GDA: variants seen among roughly 807,000 people sequenced by gnomAD.
GDA encodes the protein cytoplasmic PSD-95 interactor.
A neutral mutation model predicts 59.6 loss-of-function variants in GDA; 18 were observed. That is an observed-to-expected ratio of 0.30 (90% CI 0.21 to 0.45). The LOEUF (loss-of-function observed/expected upper bound fraction) is 0.45. Among genes scored for constraint, GDA ranks in the 20% least tolerant of loss-of-function variants. GDA has a pLI of 1.00. For missense variants in GDA, 427 were observed against 552.3 expected, an observed-to-expected ratio of 0.77 and a Z score of 2.27; for synonymous variants, 201 against 201.1, an observed-to-expected ratio of 1.00 and a Z score of 0.00.
intron 1 of GDA, among the ~76,000 whole-genome samples, chr9:72,175,441 A>G (rs1044366820): frequency 6.6e-6 from 1 of 152,208 alleles, no homozygotes; most frequent in Admixed American, 6.5e-5. Flanking sequence ...GAAAGAGAAC[A>G]TGTTCAGGAA....
In GDA at chr9:72,250,416, T is replaced by C. The variant is rs978541351; in HGVS notation, c.*2074T>C. The C allele has an allele frequency of 1.7e-6, 2 of 1,191,662 alleles. No individual in the cohort carries two copies. The highest frequency in any genetic ancestry group is 1.0e-6 in the Non-Finnish European group (1 of 954,544). 73.8% of individuals were successfully genotyped at this position (1,191,662 alleles called of 1,614,324 possible). A position where few individuals can be genotyped will look rare whatever the true frequency, so the allele number is the denominator to read the frequency against. ...CAGTAGGAATGGCCGTATACAACCA[T>C]CCTGTTAAACATTTAAATTTAGCTC... is the stretch of plus-strand genomic sequence containing the variant. On this transcript the variant is annotated 3_prime_UTR_variant, in exon 14 of 14. Transcript: ENST00000358399.
chr9:72,181,163 C>T lies in GDA; in HGVS notation c.124-14337C>T, dbSNP rs1346626640. Reference sequence around the variant, plus strand: ...TGAAGTGATTCTTCTTTTTAATTAACTCATTGGGTAAAGAAAGTACAGTTC... The same window carrying T: ...TGAAGTGATTCTTCTTTTTAATTAATTCATTGGGTAAAGAAAGTACAGTTC... On this transcript the variant is annotated intron_variant, in intron 1 of 13. Coordinates refer to ENST00000358399, the MANE Select transcript of GDA (RefSeq NM_004293.5). 3.3e-5 allele frequency among the ~76,000 whole-genome samples: 5 copies of T among 152,064 alleles called. No homozygotes were observed. The South Asian group carries it at 6.2e-4, about 19-fold the overall frequency.
chr9:72,243,829 T>G (rs1839871686), intron 11 of GDA, among the ~76,000 whole-genome samples: 1 of 152,194 alleles, frequency 6.6e-6, no homozygotes, highest in East Asian at 1.9e-4. Context: ...CGATTCAATA[T>G]TTTCACATGA....
intron 1 of GDA, among the ~76,000 whole-genome samples, chr9:72,187,507 G>A (rs1439463243): frequency 2.0e-5 from 3 of 152,162 alleles, no homozygotes; most frequent in African/African-American, 7.2e-5. Flanking sequence ...AACCCATTTT[G>A]CTCTTTATAC....
At chr9:72,157,286 C>G (rs906401294) in intron 1 of GDA, among the ~76,000 whole-genome samples, 1 of 152,064 alleles carries the variant, frequency 6.6e-6, no homozygotes, top group Non-Finnish European at 1.5e-5. Context: ...GGTGATCCAC[C>G]CACCTTGGCC....
At chr9:72,144,183 A>C (rs532369313) in intron 1 of GDA, among the ~76,000 whole-genome samples, 1 of 152,154 alleles carries the variant, frequency 6.6e-6, no homozygotes, top group Non-Finnish European at 1.5e-5. Flanking sequence ...GATGGTGTCA[A>C]TGCACTCCAG....
chr9:72,245,091 C>T, intron 11 of GDA, 57 bp from the exon 12 acceptor site: 1 of 1,558,656 alleles, frequency 6.4e-7, no homozygotes, highest in Non-Finnish European at 8.8e-7. Flanking sequence ...CAAACTGAGA[C>T]ATTAGTGTGG....
chr9:72,146,163 G>A (rs1826625306), upstream of GDA, among the ~76,000 whole-genome samples: 2 of 151,892 alleles, frequency 1.3e-5, no homozygotes, highest in Admixed American at 1.3e-4. Flanking sequence ...GGAGTGGGTG[G>A]GACAATGAGG....
intron 1 of GDA, among the ~76,000 whole-genome samples, chr9:72,131,405 C>A (rs1011039283): frequency 6.6e-6 from 1 of 152,032 alleles, no homozygotes; most frequent in Non-Finnish European, 1.5e-5. Context: ...AGAGAAATAC[C>A]AAAGGCAGCG....
upstream of GDA, among the ~76,000 whole-genome samples, chr9:72,148,309 A>ATGTGTGTATGTGTGTGTGTGTGTG (rs1826770867): frequency 6.9e-6 from 1 of 145,850 alleles, no homozygotes; most frequent in Non-Finnish European, 1.5e-5. Context: ...TGGTGTGTGT[A>ATGTGTGTATGTGTGTGTGTGTGTG]TGTGTGTGTG....
intron 1 of GDA, among the ~76,000 whole-genome samples, chr9:72,190,071 G>A (rs1468627552): frequency 2.6e-5 from 4 of 152,082 alleles, no homozygotes; most frequent in South Asian, 4.2e-4. Flanking sequence ...GAGTGGGTTA[G>A]TTATTGTGAG....
intron 2 of GDA, among the ~76,000 whole-genome samples, chr9:72,202,272 G>A (rs1377637566): frequency 3.3e-5 from 5 of 152,122 alleles, no homozygotes; most frequent in African/African-American, 4.8e-5. Context: ...CAGAGTTCCC[G>A]TCCTTTCTTG....
intron 1 of GDA, among the ~76,000 whole-genome samples, chr9:72,150,730 C>T (rs1323365341): frequency 6.6e-6 from 1 of 152,192 alleles, no homozygotes; most frequent in African/African-American, 2.4e-5. Context: ...TGAATCGTGA[C>T]TCTTACATTT....
chr9:72,175,324 A>G (rs926369355), intron 1 of GDA, among the ~76,000 whole-genome samples: 2 of 152,062 alleles, frequency 1.3e-5, no homozygotes, highest in African/African-American at 4.8e-5. Context: ...GAACCACCAC[A>G]CCCAGCCCCA....
At chr9:72,196,833 A>G (rs1833255041) in intron 2 of GDA, among the ~76,000 whole-genome samples, 1 of 151,828 alleles carries the variant, frequency 6.6e-6, no homozygotes, top group Non-Finnish European at 1.5e-5. Flanking sequence ...ACGAATGAGA[A>G]CATGCGGTGT....
intron 1 of GDA, among the ~76,000 whole-genome samples, chr9:72,160,033 C>T (rs1482552383): frequency 6.6e-6 from 1 of 152,118 alleles, no homozygotes; most frequent in Admixed American, 6.5e-5. Flanking sequence ...GGCGCGGTGG[C>T]TCATGCCTAT....
intron 11 of GDA, among the ~76,000 whole-genome samples, chr9:72,243,114 A>G (rs990377916): frequency 6.6e-6 from 1 of 152,224 alleles, no homozygotes; most frequent in African/African-American, 2.4e-5. Context: ...CAGAACTGCC[A>G]TGGCCTTTAC....
chr9:72,139,000 A>G (rs1443919401), intron 1 of GDA, among the ~76,000 whole-genome samples: 2 of 152,186 alleles, frequency 1.3e-5, no homozygotes, highest in African/African-American at 4.8e-5. Flanking sequence ...CTTTCCATGC[A>G]TTTCGTGTTA....
At chr9:72,259,654 C>T (rs762458563), downstream of GDA, among the ~76,000 whole-genome samples, 5 of 152,100 alleles carry the variant, frequency 3.3e-5, no homozygotes, top group Non-Finnish European at 5.9e-5. Flanking sequence ...TTGAATCTCT[C>T]TGGGAGATTC....
Sources: gnomAD v4.1 joint callset for allele counts (sites outside exome capture counted in the v4.1 genomes callset) on GRCh38, gnomAD v4.1.1 for gene constraint, MANE v1.5 for transcripts, NCBI Gene and HGNC (gene_info 2026-07-23, HGNC 2026-07-21) for gene names.